Variants in DPP6 observed in about 807,000 individuals in gnomAD.
The protein encoded by DPP6 is dipeptidyl peptidase like 6.
A neutral mutation model predicts 122.6 loss-of-function variants in DPP6; 69 were observed. The ratio of observed to expected loss-of-function variants is 0.56; its 90% CI spans 0.46 to 0.69. The LOEUF (loss-of-function observed/expected upper bound fraction) is 0.69, where lower values mean the gene tolerates loss of function less well. Among genes scored for constraint, DPP6 ranks in the 30% least tolerant of loss-of-function variants. The pLI, the probability that DPP6 is intolerant of heterozygous loss-of-function variation, is 0.00. For missense variants in DPP6, 928 were observed against 1,116.9 expected (o/e 0.83, Z 2.41); for synonymous variants, 418 against 433.1 (o/e 0.97, Z 0.43).
intron 1 of DPP6, among the ~76,000 whole-genome samples, chr7:154,261,782 T>C (rs1803037851): frequency 6.6e-6 from 1 of 152,132 alleles, no homozygotes; most frequent in Non-Finnish European, 1.5e-5. Context: ...AACAAACATA[T>C]GAAAAAATGC....
chr7:153,846,612 T>A, the DPP6 span, among the ~76,000 whole-genome samples: 1 of 151,934 alleles, frequency 6.6e-6, no homozygotes, highest in Non-Finnish European at 1.5e-5. Flanking sequence ...ATCCAATCTC[T>A]ATTCTTCTTC....
At chr7:154,466,098 C>T (rs2151327521) in intron 2 of DPP6, among the ~76,000 whole-genome samples, 1 of 151,900 alleles carries the variant, frequency 6.6e-6, no homozygotes, top group Non-Finnish European at 1.5e-5. Flanking sequence ...AGCAAACTAA[C>T]ACAGGAACAA....
At chr7:154,882,472 C>A (rs1805463967) in intron 21 of DPP6, among the ~76,000 whole-genome samples, 1 of 152,212 alleles carries the variant, frequency 6.6e-6, no homozygotes, top group African/African-American at 2.4e-5. Context: ...AGCGTCAATC[C>A]TTTTAGTGGC....
At chr7:154,434,274 T>C (rs2151263623) in intron 1 of DPP6, among the ~76,000 whole-genome samples, 1 of 152,350 alleles carries the variant, frequency 6.6e-6, no homozygotes, top group South Asian at 2.1e-4. Flanking sequence ...AAATGTACCA[T>C]GCTGCTGTAA....
chr7:153,778,334 C>T, the DPP6 span, among the ~76,000 whole-genome samples: 8 of 152,052 alleles, frequency 5.3e-5, no homozygotes, highest in Non-Finnish European at 8.8e-5. Flanking sequence ...CAAATATATA[C>T]ATATATATGC....
At chr7:153,957,069 G>C (rs1016611390) in intron 1 of DPP6, among the ~76,000 whole-genome samples, 1 of 152,182 alleles carries the variant, frequency 6.6e-6, no homozygotes, top group African/African-American at 2.4e-5. Flanking sequence ...TTCTAAATGG[G>C]GTCGATTACC....
chr7:154,601,612 A>C lies in DPP6; in HGVS notation c.627+34696A>C, dbSNP rs192685759. ...AACCTCTTCATATGTTTACATTTAA[A>C]GTATGTTTCTTATAAATAACATGTA... On this transcript the variant is annotated intron_variant, in intron 5 of 25. Coordinates refer to ENST00000377770, the MANE Select transcript of DPP6 (RefSeq NM_130797.4). 2.5e-5 allele frequency among the ~76,000 whole-genome samples: 3 copies of C among 121,222 alleles called. 1 individual carries two copies. The highest frequency in any genetic ancestry group is 9.3e-5 in the Admixed American group (1 of 10,798). The allele number at this position is 121,222 out of a possible 152,430, so 79.5% of individuals were successfully genotyped here. A position where few individuals can be genotyped will look rare whatever the true frequency, so the allele number is the denominator to read the frequency against.
At chr7:154,351,774 A>G (rs929025705) in intron 1 of DPP6, among the ~76,000 whole-genome samples, 2 of 152,150 alleles carry the variant, frequency 1.3e-5, no homozygotes, top group African/African-American at 4.8e-5. Context: ...TGGAGCCAAG[A>G]CAGGACTCCA....
At chr7:154,606,128 A>G (rs1833581004) in intron 5 of DPP6, among the ~76,000 whole-genome samples, 1 of 120,388 alleles carries the variant, frequency 8.3e-6, no homozygotes, top group African/African-American at 2.6e-5. Flanking sequence ...ATAACCATTG[A>G]AAGAGGACCC....
chr7:154,553,902 C>CAAA (rs56020996), intron 4 of DPP6, among the ~76,000 whole-genome samples: 8 of 103,126 alleles, frequency 7.8e-5, no homozygotes, highest in East Asian at 3.3e-4. Flanking sequence ...AGCCTAATGC[C>CAAA]AAAAAAAAAA....
intron 8 of DPP6, among the ~76,000 whole-genome samples, chr7:154,731,260 G>C (rs1483120960): frequency 6.6e-6 from 1 of 152,228 alleles, no homozygotes; most frequent in Non-Finnish European, 1.5e-5. Context: ...CATTTGCTTG[G>C]AGATGTTAGT....
chr7:154,206,488 G>A (rs4329194), intron 1 of DPP6, among the ~76,000 whole-genome samples: 127,649 of 152,178 alleles, frequency 0.84, 53,628 homozygotes, highest in Non-Finnish European at 0.85. Flanking sequence ...ATAACAGCTC[G>A]CAAAGCAACC....
At chr7:154,885,489 GAAC>G (rs1806072067) in intron 21 of DPP6, 141 bp from the exon 22 acceptor site, 1 of 1,204,234 alleles carries the variant, frequency 8.3e-7, no homozygotes, top group East Asian at 2.6e-5. Flanking sequence ...ACTGCCCCGT[GAAC>G]AACTTTCCAA....
chr7:154,003,648 C>T (rs1563092222), intron 1 of DPP6, among the ~76,000 whole-genome samples: 1 of 151,750 alleles, frequency 6.6e-6, no homozygotes, highest in African/African-American at 2.4e-5. Flanking sequence ...ACTATTCCTT[C>T]TGAATATTGG....
At chr7:154,227,230 A>ACACACACACACACACACACC (rs1205135212) in intron 1 of DPP6, among the ~76,000 whole-genome samples, 40 of 151,536 alleles carry the variant, frequency 2.6e-4, no homozygotes, top group East Asian at 1.7e-3. Context: ...ACACACACAC[A>ACACACACACACACACACACC]CCCCTAGGAA....
At chr7:154,883,399 CACAT>C (rs1458269185) in intron 21 of DPP6, among the ~76,000 whole-genome samples, 9 of 133,222 alleles carry the variant, frequency 6.8e-5, no homozygotes, top group Admixed American at 3.0e-4. Context: ...CACACACACA[CACAT>C]GCTCACCCAT....
intron 10 of DPP6, among the ~76,000 whole-genome samples, chr7:154,778,387 A>G (rs993005403): frequency 2.6e-5 from 4 of 151,810 alleles, no homozygotes; most frequent in African/African-American, 9.7e-5. Context: ...TCTCCCCAAT[A>G]TGCACTGCCC....
chr7:154,006,798 G>A (rs1797931620), intron 1 of DPP6, among the ~76,000 whole-genome samples: 1 of 152,260 alleles, frequency 6.6e-6, no homozygotes, highest in Admixed American at 6.5e-5. Flanking sequence ...CTAATTGTTT[G>A]CTGTAATTAT....
intron 1 of DPP6, among the ~76,000 whole-genome samples, chr7:153,967,648 G>C (rs1306546579): frequency 1.3e-5 from 2 of 152,078 alleles, no homozygotes; most frequent in African/African-American, 4.8e-5. Flanking sequence ...GTCTCTCTCT[G>C]ATTTCCTTTT....
Sources: gnomAD v4.1 joint callset for allele counts (sites outside exome capture counted in the v4.1 genomes callset) on GRCh38, gnomAD v4.1.1 for gene constraint, MANE v1.5 for transcripts, NCBI Gene and HGNC (gene_info 2026-07-23, HGNC 2026-07-21) for gene names.